USP47: variants seen among roughly 807,000 people sequenced by gnomAD.
USP47 encodes ubiquitin carboxyl-terminal hydrolase 47.
Under a neutral mutation model 165.1 loss-of-function variants are expected in USP47, and 35 were observed. The observed-to-expected ratio is 0.21, with a 90% CI of 0.16 to 0.28. The LOEUF is 0.28. Ranked by LOEUF, USP47 falls within the 10% of genes least tolerant of loss-of-function variation. USP47 has a pLI of 1.00. For synonymous variants in USP47, 531 were observed against 544.5 expected (o/e 0.98, Z 0.35); for missense variants, 1,277 against 1,607.4 (o/e 0.79, Z 3.52).
At chr11:11,877,962 T>C (rs1350802206) in intron 1 of USP47, among the ~76,000 whole-genome samples, 1 of 152,012 alleles carries the variant, frequency 6.6e-6, no homozygotes, top group East Asian at 1.9e-4. Flanking sequence ...CTTTATACTC[T>C]TAGTATTTTT....
intron 19 of USP47, among the ~76,000 whole-genome samples, chr11:11,941,173 C>A (rs1855441601): frequency 6.6e-6 from 1 of 151,742 alleles, no homozygotes; most frequent in African/African-American, 2.4e-5. Flanking sequence ...TCTCATTTAA[C>A]TTTTTTAGTA....
intron 1 of USP47, among the ~76,000 whole-genome samples, chr11:11,860,800 A>G (rs377144848): frequency 6.8e-4 from 103 of 152,348 alleles, no homozygotes; most frequent in African/African-American, 2.4e-3. Context: ...TTAGATACCT[A>G]CAGTATATTA....
chr11:11,895,962 A>C (rs1363331023), intron 4 of USP47, among the ~76,000 whole-genome samples: 1 of 152,230 alleles, frequency 6.6e-6, no homozygotes, highest in East Asian at 1.9e-4. Flanking sequence ...TGTAGAATCC[A>C]CTTGATAATA....
intron 3 of USP47, 97 bp from the exon 4 acceptor site, chr11:11,891,871 A>G (rs1851537709): frequency 9.6e-6 from 14 of 1,452,696 alleles, no homozygotes; most frequent in South Asian, 2.9e-5. Context: ...AGTGTTTTGT[A>G]TCAGGCATCA....
At chr11:11,893,227 G>A (rs767203727) in intron 4 of USP47, among the ~76,000 whole-genome samples, 3 of 151,980 alleles carry the variant, frequency 2.0e-5, no homozygotes, top group Non-Finnish European at 4.4e-5. Flanking sequence ...ACAAATCTTT[G>A]CAATAGATAG....
chr11:11,848,997 C>T (rs1394623782), intron 1 of USP47, among the ~76,000 whole-genome samples: 1 of 152,030 alleles, frequency 6.6e-6, no homozygotes, highest in African/African-American at 2.4e-5. Context: ...ACCACTATCC[C>T]CAACCACACA....
chr11:11,916,276 T>C (rs1853411948), intron 8 of USP47, among the ~76,000 whole-genome samples: 1 of 152,146 alleles, frequency 6.6e-6, no homozygotes, highest in Non-Finnish European at 1.5e-5. Flanking sequence ...GGTGAGATCC[T>C]GTCTCAAATA....
At chr11:11,920,122 T>C (rs1314207696) in intron 8 of USP47, 34 bp from the exon 9 acceptor site, 1 of 1,467,446 alleles carries the variant, frequency 6.8e-7, no homozygotes, top group African/African-American at 1.5e-5. Flanking sequence ...TATAATATTT[T>C]AAGTAATTAT....
rs1349342055 is a variant in USP47 at position 11,956,803 on chromosome 11, T to G, written c.*628T>G. 1 of 152,600 alleles carries G rather than the reference T, an allele frequency of 6.6e-6. No individual in the cohort carries two copies. The highest frequency in any genetic ancestry group is 6.5e-5 in the Admixed American group (1 of 15,290). 9.5% of individuals were successfully genotyped at this position (152,600 alleles called of 1,614,324 possible). On this transcript the variant is annotated 3_prime_UTR_variant, in exon 28 of 28. Coordinates refer to ENST00000527733, the MANE Select transcript of USP47 (RefSeq NM_001282659.2). ...ATTCTGGAACATCAGAACGTTTCCC[T>G]TAGACCGATCCCAGCAGGTGGCAGC...
At chr11:11,919,315 G>A (rs535649641) in intron 8 of USP47, among the ~76,000 whole-genome samples, 3 of 151,964 alleles carry the variant, frequency 2.0e-5, no homozygotes, top group East Asian at 1.9e-4. Context: ...TTTAGTTTAT[G>A]TGTAATATTA....
At chr11:11,871,383 G>T (rs1590264475) in intron 1 of USP47, among the ~76,000 whole-genome samples, 1 of 151,260 alleles carries the variant, frequency 6.6e-6, no homozygotes, top group African/African-American at 2.4e-5. Flanking sequence ...CATGCCTGTA[G>T]TCCCAGCTAC....
At chr11:11,913,838 T>G (rs983128246) in intron 8 of USP47, among the ~76,000 whole-genome samples, 3 of 152,120 alleles carry the variant, frequency 2.0e-5, no homozygotes, top group Admixed American at 2.0e-4. Flanking sequence ...TTGACTTGAT[T>G]CTATGCATGT....
chr11:11,902,357 C>T (rs554797784), intron 5 of USP47, among the ~76,000 whole-genome samples: 28 of 152,130 alleles, frequency 1.8e-4, no homozygotes, highest in African/African-American at 6.7e-4. Context: ...GGTTGTATGC[C>T]GTAGTATCTC....
rs377761922 is a variant in USP47 at position 11,955,176 on chromosome 11, A to G, written c.3893+12A>G. ...GTCATATTTTATAGGTAACATTCAC[A>G]ATGTTTTTGTTGCTGTTAGTAATAC... On this transcript the variant is annotated intron_variant, in intron 27 of 27. Transcript: ENST00000527733. 29 of 1,607,092 alleles carry G rather than the reference A, an allele frequency of 1.8e-5. No homozygotes were observed. The highest frequency in any genetic ancestry group is 2.3e-5 in the Non-Finnish European group (27 of 1,177,770).
chr11:11,883,170 C>G (rs1239420177), intron 2 of USP47, among the ~76,000 whole-genome samples: 1 of 152,190 alleles, frequency 6.6e-6, no homozygotes, highest in African/African-American at 2.4e-5. Context: ...CCAGCAATCC[C>G]TTTCTTCCCT....
At chr11:11,903,525 T>C (rs1048015212) in intron 7 of USP47, among the ~76,000 whole-genome samples, 183 bp downstream of exon 7, 2 of 152,144 alleles carry the variant, frequency 1.3e-5, no homozygotes, top group African/African-American at 2.4e-5. Context: ...AATACCATCA[T>C]TAAACCACCC....
At chr11:11,869,308 G>A (rs1051274665) in intron 1 of USP47, among the ~76,000 whole-genome samples, 2 of 148,824 alleles carry the variant, frequency 1.3e-5, no homozygotes, top group African/African-American at 4.9e-5. Context: ...GGAGAGTTAG[G>A]TTGAGAATTT....
chr11:11,953,143 A>G (rs1407307864), intron 25 of USP47, among the ~76,000 whole-genome samples: 1 of 152,106 alleles, frequency 6.6e-6, no homozygotes, highest in Non-Finnish European at 1.5e-5. Context: ...ACTTGGACCA[A>G]TTTTGTCCTA....
chr11:11,952,982 A>G, intron 25 of USP47, 111 bp downstream of exon 25: 2 of 932,112 alleles, frequency 2.1e-6, no homozygotes, highest in Non-Finnish European at 2.6e-6. Context: ...CGTAAGAGAA[A>G]ACCTAGGAAG....
Sources: allele counts gnomAD v4.1 joint callset (sites outside exome capture counted in the v4.1 genomes callset), GRCh38; gene constraint gnomAD v4.1.1; transcripts MANE v1.5; gene names NCBI Gene and HGNC (gene_info 2026-07-23, HGNC 2026-07-21).